DDX6: variants seen among roughly 807,000 people sequenced by gnomAD.
DDX6 encodes the protein DEAD-box helicase 6.
A neutral mutation model predicts 60.6 loss-of-function variants in DDX6; 7 were observed. The observed-to-expected ratio is 0.12, with a 90% CI of 0.07 to 0.22. The LOEUF (loss-of-function observed/expected upper bound fraction) is 0.22, where lower values mean the gene tolerates loss of function less well. Among genes scored for constraint, DDX6 ranks in the 10% least tolerant of loss-of-function variants. The pLI is 1.00. For missense variants in DDX6, 270 were observed against 589.9 expected (o/e 0.46, Z 5.62); for synonymous variants, 207 against 201.0 (o/e 1.03, Z -0.25).
intron 1 of DDX6, chr11:118,786,954 G>A (rs1476641127): frequency 6.6e-6 from 1 of 152,102 alleles, no homozygotes; most frequent in African/African-American, 2.4e-5. Context: ...AATAGCAACC[G>A]AGAGTCCTTA....
intron 7 of DDX6, 53 bp downstream of exon 7, chr11:118,763,159 A>G: frequency 7.8e-7 from 1 of 1,281,746 alleles, no homozygotes; most frequent in Non-Finnish European, 1.1e-6. Flanking sequence ...GGCAGTTATA[A>G]GCAAAGCACA....
intron 12 of DDX6, 28 bp downstream of exon 12, chr11:118,755,374 C>A: frequency 7.0e-7 from 1 of 1,430,910 alleles, no homozygotes. Flanking sequence ...AGAACTTCTA[C>A]CAAGAATATC....
At chr11:118,785,082 C>T (rs1215310088) in intron 2 of DDX6, among the ~76,000 whole-genome samples, 1 of 152,102 alleles carries the variant, frequency 6.6e-6, no homozygotes, top group African/African-American at 2.4e-5. Flanking sequence ...ATGGCAAGTT[C>T]TTAACAAAAG....
intron 11 of DDX6, among the ~76,000 whole-genome samples, chr11:118,755,802 T>C (rs499343): frequency 0.62 from 94,363 of 151,854 alleles, 29,755 homozygotes; most frequent in Admixed American, 0.7. Flanking sequence ...TCACCTGAGG[T>C]CAGGAGTTCG....
chr11:118,779,531 A>G, intron 4 of DDX6, 101 bp downstream of exon 4: 1 of 712,668 alleles, frequency 1.4e-6, no homozygotes, highest in Non-Finnish European at 2.3e-6. Context: ...TATACGTGAG[A>G]GAGAAATGTT....
chr11:118,763,360 G>A (rs1159737760), intron 6 of DDX6, 54 bp from the exon 7 acceptor site: 1 of 1,358,562 alleles, frequency 7.4e-7, no homozygotes, highest in Non-Finnish European at 1.0e-6. Context: ...TGAGCAAAGA[G>A]GATAAAGGTT....
chr11:118,754,592 A>C, intron 13 of DDX6, 113 bp downstream of exon 13: 1 of 903,656 alleles, frequency 1.1e-6, no homozygotes, highest in Non-Finnish European at 1.7e-6. Context: ...GCTAGTGGGT[A>C]TTTTACCCTT....
intron 10 of DDX6, among the ~76,000 whole-genome samples, chr11:118,756,947 A>AAT (rs1386653172): frequency 6.6e-6 from 1 of 152,228 alleles, no homozygotes; most frequent in Non-Finnish European, 1.5e-5. Flanking sequence ...GTACTCATTT[A>AAT]AACATTTATC....
intron 10 of DDX6, among the ~76,000 whole-genome samples, chr11:118,756,628 G>GA (rs1860986539): frequency 6.6e-6 from 1 of 151,936 alleles, no homozygotes; most frequent in Non-Finnish European, 1.5e-5. Context: ...AAACAGTAAA[G>GA]AAAAAAAGAA....
chr11:118,781,714 G>C (rs1555164746), intron 2 of DDX6, among the ~76,000 whole-genome samples: 2 of 152,114 alleles, frequency 1.3e-5, no homozygotes, highest in Admixed American at 6.5e-5. Context: ...GATCACTTGA[G>C]GTCAGGAGTT....
chr11:118,747,905 C>CT lies in DDX6; in HGVS notation c.*4199_*4200insA, dbSNP rs1358501236. 8.1e-6 allele frequency: 1 copy of CT among 124,126 alleles called. No individual in the cohort carries two copies. The highest frequency in any genetic ancestry group is 1.7e-5 in the Non-Finnish European group (1 of 59,970). The allele number at this position is 124,126 out of a possible 1,614,324, so 7.7% of individuals were successfully genotyped here. A position where few individuals can be genotyped will look rare whatever the true frequency, so the allele number is the denominator to read the frequency against. ...ACACATCCCAACAAAAACAGAGCCC[C>CT]CCCCCCCCCCACTGGAACATCTGCC... On this transcript the variant is annotated 3_prime_UTR_variant, in exon 14 of 14. Coordinates refer to ENST00000534980, the MANE Select transcript of DDX6 (RefSeq NM_004397.6).
At position 118,754,778 on chromosome 11, in the gene DDX6, G is replaced by A; in HGVS notation, c.1386C>T (p.Ser462=). The change falls in exon 13 of 14, where the codon AGC becomes AGT. Residue 462 remains serine, a synonymous_variant. Transcript: ENST00000534980. ...QLGTEIKPIP[S]NIDKSLYVAE... is the part of the protein sequence containing the mutation. ...CCACATACAGGCTCTTATCAATGTT[G>A]CTCGGAATAGGTTTAATTTCTGTTC... The A allele has an allele frequency of 6.2e-7, 1 of 1,613,794 alleles. No homozygotes were observed. Among genetic ancestry groups the A allele is most frequent in the Non-Finnish European group, 8.5e-7 (1 of 1,179,856 alleles).
At chr11:118,778,452 T>C (rs1861777766) in intron 4 of DDX6, among the ~76,000 whole-genome samples, 1 of 152,204 alleles carries the variant, frequency 6.6e-6, no homozygotes, top group African/African-American at 2.4e-5. Flanking sequence ...AATTGCTAAA[T>C]GTCCCCTGGG....
chr11:118,789,998 A>G (rs1862212196), intron 1 of DDX6: 1 of 152,242 alleles, frequency 6.6e-6, no homozygotes, highest in Non-Finnish European at 1.5e-5. Flanking sequence ...GGAGTTAATT[A>G]CAGCACTTCA....
chr11:118,754,646 A>G, intron 13 of DDX6, 59 bp downstream of exon 13: 3 of 1,475,768 alleles, frequency 2.0e-6, no homozygotes, highest in Non-Finnish European at 2.7e-6. Flanking sequence ...CCCCCAGGAA[A>G]GAAGATTTTG....
chr11:118,752,442 A>C (rs1048553243), intron 13 of DDX6, among the ~76,000 whole-genome samples: 2 of 152,148 alleles, frequency 1.3e-5, no homozygotes, highest in African/African-American at 4.8e-5. Context: ...TGTTTAACTT[A>C]AGGAAAAAAA....
At chr11:118,757,329 C>G in intron 9 of DDX6, 42 bp from the exon 10 acceptor site, 1 of 1,174,506 alleles carries the variant, frequency 8.5e-7, no homozygotes. Flanking sequence ...ATAAAAAAAA[C>G]CTTCATTTGG....
chr11:118,764,819 T>TACACACACACAC (rs1236783513), intron 6 of DDX6, among the ~76,000 whole-genome samples: 133 of 17,156 alleles, frequency 7.8e-3, no homozygotes, highest in South Asian at 0.022. Flanking sequence ...AAAAAAAAAA[T>TACACACACACAC]ATACACACAC....
At chr11:118,763,435 T>C (rs551288999) in intron 6 of DDX6, 129 bp from the exon 7 acceptor site, 3 of 720,598 alleles carry the variant, frequency 4.2e-6, no homozygotes, top group South Asian at 3.3e-5. Context: ...TGTGATGGTA[T>C]AGCCTACTCC....
Sources: gnomAD v4.1 joint callset for allele counts (sites outside exome capture counted in the v4.1 genomes callset) on GRCh38, gnomAD v4.1.1 for gene constraint, MANE v1.5 for transcripts, NCBI Gene and HGNC (gene_info 2026-07-23, HGNC 2026-07-21) for gene names.